Variants in WDR47 observed in about 807,000 individuals in gnomAD.
WDR47 encodes WD repeat domain 47.
WDR47 carries 32 observed loss-of-function variants against 97.2 expected under a neutral mutation model. The observed-to-expected ratio is 0.33, with a 90% CI of 0.25 to 0.44. WDR47 has a LOEUF of 0.44. WDR47 is among the 20% of genes least tolerant of loss of function. WDR47 has a pLI of 1.00. For missense variants in WDR47, 782 were observed against 1,102.3 expected, an observed-to-expected ratio of 0.71 and a Z score of 4.11; for synonymous variants, 375 against 373.5, an observed-to-expected ratio of 1.00 and a Z score of -0.05.
chr1:108,995,782 C>G lies in WDR47; in HGVS notation c.1489G>C (p.Val497Leu), dbSNP rs1350290137. The G allele has an allele frequency of 6.2e-7, 1 of 1,614,102 alleles. No individual in the cohort carries two copies. Among genetic ancestry groups the G allele is most frequent in the Admixed American group, 1.7e-5 (1 of 60,016 alleles). ...TTACATTGCTGGTTGAGTGCTGATA[C>G]CTCATTACCAAGGCCATCCATTCCA... ...NIGMDGLGNE[V>L]SALNQQCNGS... is the part of the protein sequence containing the mutation. Residue 497 changes from valine to leucine, a missense_variant, in exon 8 of 15, where the codon GTA becomes CTA. Val to Leu is a conservative substitution (Grantham distance 32, BLOSUM62 1). Coordinates refer to ENST00000369962, the MANE Select transcript of WDR47 (RefSeq NM_001142551.2).
In WDR47 at chr1:109,023,512, TA is replaced by T; in HGVS notation, c.-1del. On this transcript the variant is annotated 5_prime_UTR_variant, in exon 2 of 15. Coordinates refer to ENST00000369962, the MANE Select transcript of WDR47 (RefSeq NM_001142551.2). ...ACATTCACTGTTTCTTCAGCCGTCA[TA>T]TTGATAGCCTAAATATGAAACAGAA... The T allele has an allele frequency of 6.2e-7, 1 of 1,612,090 alleles. No homozygotes were observed. The highest frequency in any genetic ancestry group is 1.7e-4 in the Middle Eastern group (1 of 6,050).
chr1:109,000,384 C>G (rs1660089166), intron 7 of WDR47, among the ~76,000 whole-genome samples: 2 of 151,434 alleles, frequency 1.3e-5, no homozygotes, highest in African/African-American at 2.4e-5. Context: ...TGGTGCGTAC[C>G]TGTAATGCCA....
At chr1:109,006,994 G>C (rs1355427201) in intron 5 of WDR47, among the ~76,000 whole-genome samples, 1 of 151,788 alleles carries the variant, frequency 6.6e-6, no homozygotes, top group Non-Finnish European at 1.5e-5. Flanking sequence ...CTGGAGTACA[G>C]TGGTGCAATC....
chr1:108,993,901 A>G (rs59177605), intron 8 of WDR47, among the ~76,000 whole-genome samples: 4 of 152,350 alleles, frequency 2.6e-5, no homozygotes, highest in African/African-American at 9.6e-5. Flanking sequence ...ACAAGAAGCT[A>G]TATGAAAAAG....
chr1:109,040,035 CAA>C (rs71281820), intron 1 of WDR47, among the ~76,000 whole-genome samples: 3 of 51,142 alleles, frequency 5.9e-5, no homozygotes, highest in African/African-American at 1.5e-4. Context: ...GACTCCGTCT[CAA>C]AAAAAAAAAA....
intron 3 of WDR47, among the ~76,000 whole-genome samples, chr1:109,016,837 T>C (rs548674647): frequency 6.7e-6 from 1 of 149,716 alleles, no homozygotes; most frequent in East Asian, 1.9e-4. Flanking sequence ...AAGGCAATCA[T>C]TAGAAACTGA....
rs942776540 is a variant in WDR47 at position 108,992,842 on chromosome 1, G to A, written c.1692-1513C>T. Reference sequence around the variant, plus strand: ...AACTTATGGCACGGGAGTAAATTCAGCATTAAAATAAATGTAATTAAAAGG... The same window carrying A: ...AACTTATGGCACGGGAGTAAATTCAACATTAAAATAAATGTAATTAAAAGG... On this transcript the variant is annotated intron_variant, in intron 8 of 14. Transcript: ENST00000369962. 8.3e-5 allele frequency: 120 copies of A among 1,444,394 alleles called. No individual in the cohort carries two copies. The East Asian group carries it at 1.6e-3, about 19-fold the overall frequency. The allele number at this position is 1,444,394 out of a possible 1,614,324, so 89.5% of individuals were successfully genotyped here. A position where few individuals can be genotyped will look rare whatever the true frequency, so the allele number is the denominator to read the frequency against.
intron 2 of WDR47, among the ~76,000 whole-genome samples, chr1:109,021,702 T>A (rs1661854070): frequency 6.6e-6 from 1 of 152,150 alleles, no homozygotes; most frequent in Non-Finnish European, 1.5e-5. Context: ...AATTTTAGTA[T>A]TTTTAATAGA....
At chr1:109,026,263 C>T (rs1184514315) in intron 1 of WDR47, among the ~76,000 whole-genome samples, 1 of 151,882 alleles carries the variant, frequency 6.6e-6, no homozygotes, top group African/African-American at 2.4e-5. Flanking sequence ...GTTGCCTAGG[C>T]TGCTCTCGAA....
intron 8 of WDR47, among the ~76,000 whole-genome samples, chr1:108,993,793 C>T (rs1659546341): frequency 6.6e-6 from 1 of 152,004 alleles, no homozygotes; most frequent in African/African-American, 2.4e-5. Context: ...ATAATTCTGT[C>T]AAAGCACTTA....
intron 13 of WDR47, 71 bp from the exon 14 acceptor site, chr1:108,974,825 T>C (rs940714821): frequency 6.9e-6 from 8 of 1,153,904 alleles, no homozygotes; most frequent in Non-Finnish European, 1.0e-5. Flanking sequence ...GCTGATTATG[T>C]CCATTGAACC....
chr1:109,002,307 G>A lies in WDR47; in HGVS notation c.1350C>T (p.Tyr450=), dbSNP rs749662333. 10 of 1,612,928 alleles carry A rather than the reference G, an allele frequency of 6.2e-6. No individual in the cohort carries two copies. The highest frequency in any genetic ancestry group is 8.5e-6 in the Non-Finnish European group (10 of 1,179,860). ...LEQKEQQRQI[Y]QQMLLEGGVN... is the part of the protein sequence containing the mutation. The stretch of plus-strand genomic sequence containing the variant: ...CGCCTCCTTCAAGCAACATCTGTTG[G>A]TATATCTGCCGCTGTTGCTCCTTCT... The change falls in exon 7 of 15, where the codon TAC becomes TAT. Residue 450 remains tyrosine, a synonymous_variant. Transcript: ENST00000369962.
intron 8 of WDR47, among the ~76,000 whole-genome samples, chr1:108,993,086 C>A (rs1338149783): frequency 6.6e-6 from 1 of 152,028 alleles, no homozygotes. Context: ...GTAGAAGGAG[C>A]AATAGGCCTC....
At chr1:109,003,032 G>A (rs529625204) in intron 6 of WDR47, among the ~76,000 whole-genome samples, 6 of 152,314 alleles carry the variant, frequency 3.9e-5, no homozygotes, top group African/African-American at 1.2e-4. Flanking sequence ...ACACCTGCAA[G>A]TGTATGTTTA....
intron 1 of WDR47, among the ~76,000 whole-genome samples, chr1:109,024,616 A>G (rs933687730): frequency 6.6e-6 from 1 of 152,212 alleles, no homozygotes; most frequent in African/African-American, 2.4e-5. Flanking sequence ...TGGGAGGACT[A>G]TAAGATCATT....
At chr1:109,010,547 T>C (rs1001552303) in intron 5 of WDR47, among the ~76,000 whole-genome samples, 2 of 151,884 alleles carry the variant, frequency 1.3e-5, no homozygotes, top group African/African-American at 4.8e-5. Context: ...ACACTATAAT[T>C]AGATTATCTC....
At chr1:109,021,998 C>T (rs1389647833) in intron 2 of WDR47, among the ~76,000 whole-genome samples, 1 of 151,930 alleles carries the variant, frequency 6.6e-6, no homozygotes, top group Non-Finnish European at 1.5e-5. Flanking sequence ...GAGGCATGCA[C>T]CACCACACCC....
chr1:109,041,432 G>A (rs972173688), intron 1 of WDR47: 4 of 152,194 alleles, frequency 2.6e-5, no homozygotes, highest in Non-Finnish European at 5.9e-5. Flanking sequence ...GCCCAGAAAG[G>A]GACGCGAGCG....
At chr1:108,985,597 A>G (rs1438415717) in intron 10 of WDR47, among the ~76,000 whole-genome samples, 1 of 152,242 alleles carries the variant, frequency 6.6e-6, no homozygotes, top group Non-Finnish European at 1.5e-5. Context: ...TTTACACACA[A>G]CTATAGTACC....
Sources: allele counts gnomAD v4.1 joint callset (sites outside exome capture counted in the v4.1 genomes callset), GRCh38; gene constraint gnomAD v4.1.1; transcripts MANE v1.5; gene names NCBI Gene and HGNC (gene_info 2026-07-23, HGNC 2026-07-21).